The following ABCA1 variants were observed in gnomAD, a reference collection of about 807,000 sequenced individuals.
ABCA1 encodes ATP binding cassette subfamily A member 1.
Under a neutral mutation model 262.5 loss-of-function variants are expected in ABCA1, and 133 were observed. The observed-to-expected ratio is 0.51, with a 90% CI of 0.44 to 0.59. The LOEUF is 0.59. Ranked by LOEUF, ABCA1 falls within the 20% of genes least tolerant of loss-of-function variation. The pLI is 0.00. For missense variants in ABCA1, 2,452 were observed against 2,777.5 expected, an observed-to-expected ratio of 0.88 and a Z score of 2.63; for synonymous variants, 1,022 against 1,043.5, an observed-to-expected ratio of 0.98 and a Z score of 0.40.
Position 104,817,716 on chromosome 9 carries a change from T to C in ABCA1, c.3463-312A>G, listed in dbSNP as rs1831902829. On this transcript the variant is annotated intron_variant, in intron 23 of 49. Transcript: ENST00000374736. This position sits in a 1 kb window ranked among gnomAD's most constrained non-coding sequence, Gnocchi z 4.7. The stretch of plus-strand genomic sequence containing the variant: ...CAGGCAAGGCCTTTACCTGGCTACA[T>C]GTCTAGTTCAATGCTTCTCATGCTT... 6.6e-6 allele frequency among the ~76,000 whole-genome samples: 1 copy of C among 152,198 alleles called. No homozygotes were observed. Among genetic ancestry groups the C allele is most frequent in the Non-Finnish European group, 1.5e-5 (1 of 68,024 alleles).
At chr9:104,869,115 G>C (rs1354305681) in intron 5 of ABCA1, among the ~76,000 whole-genome samples, 7 of 152,128 alleles carry the variant, frequency 4.6e-5, no homozygotes, top group Non-Finnish European at 8.8e-5. Context: ...TGAGCCAGAC[G>C]GGGTTACTCT....
intron 5 of ABCA1, among the ~76,000 whole-genome samples, chr9:104,868,458 T>G (rs1034870506): frequency 1.3e-5 from 2 of 152,226 alleles, no homozygotes; most frequent in African/African-American, 2.4e-5. Context: ...AAAGCTGACT[T>G]GCTCCAAGTG....
At chr9:104,828,090 T>C (rs983596607) in intron 15 of ABCA1, among the ~76,000 whole-genome samples, 1 of 152,360 alleles carries the variant, frequency 6.6e-6, no homozygotes, top group South Asian at 2.1e-4. Flanking sequence ...AATATATTAA[T>C]GTATGGTTCA....
At chr9:104,903,401 C>T (rs1840828337) in intron 2 of ABCA1, among the ~76,000 whole-genome samples, 1 of 152,172 alleles carries the variant, frequency 6.6e-6, no homozygotes, top group African/African-American at 2.4e-5. Flanking sequence ...CAAACCAAAG[C>T]TACTATTTCT....
chr9:104,785,067 T>C (rs1828806355), intron 49 of ABCA1, among the ~76,000 whole-genome samples: 1 of 152,224 alleles, frequency 6.6e-6, no homozygotes, highest in African/African-American at 2.4e-5. Context: ...GAGTACTTCT[T>C]AAGTGTCAGG....
At chr9:104,917,371 C>T (rs1030668693) in intron 1 of ABCA1, among the ~76,000 whole-genome samples, 3 of 152,188 alleles carry the variant, frequency 2.0e-5, no homozygotes, top group Admixed American at 2.0e-4. Context: ...AGGAGATGAA[C>T]AAGCACAGTA....
chr9:104,800,874 C>T (rs886289912), intron 34 of ABCA1, among the ~76,000 whole-genome samples: 20 of 152,018 alleles, frequency 1.3e-4, no homozygotes, highest in Non-Finnish European at 2.5e-4. Context: ...GGGGTGAGGA[C>T]TCCTCAAAGT....
rs1369877094 is a variant in ABCA1, at chr9:104,802,043, A to G, written c.4698+11T>C. The G allele has an allele frequency of 1.2e-6, 2 of 1,612,400 alleles. No individual in the cohort carries two copies. Among genetic ancestry groups the G allele is most frequent in the Non-Finnish European group, 1.7e-6 (2 of 1,178,542 alleles). On this transcript the variant is annotated intron_variant, in intron 34 of 49. Transcript: ENST00000374736. ...CCATTTTTCTGATACATCTTACGAT[A>G]GATATTTTACCTTGGCCAGCTTTAG...
chr9:104,891,764 G>C (rs1381967254), intron 2 of ABCA1, among the ~76,000 whole-genome samples: 2 of 151,342 alleles, frequency 1.3e-5, no homozygotes, highest in African/African-American at 4.9e-5. Context: ...TCAGGAGTTT[G>C]AGACCAGCCT....
intron 11 of ABCA1, among the ~76,000 whole-genome samples, chr9:104,835,882 C>G (rs1833773320): frequency 6.6e-6 from 1 of 152,142 alleles, no homozygotes. Flanking sequence ...AATCAAAATT[C>G]ACTGAGTCAC....
intron 5 of ABCA1, among the ~76,000 whole-genome samples, chr9:104,880,994 CA>C (rs1361222869): frequency 6.6e-6 from 1 of 151,946 alleles, no homozygotes; most frequent in Non-Finnish European, 1.5e-5. Context: ...ACTAAAAATA[CA>C]AAAATTAGTT....
At chr9:104,893,936 G>A (rs1379904870) in intron 2 of ABCA1, among the ~76,000 whole-genome samples, 1 of 152,178 alleles carries the variant, frequency 6.6e-6, no homozygotes, top group African/African-American at 2.4e-5. Context: ...CAGCTACTGT[G>A]TACTCAAGAC....
At chr9:104,898,549 A>AAAATAAATAAAT (rs60925856) in intron 2 of ABCA1, among the ~76,000 whole-genome samples, 8 of 143,078 alleles carry the variant, frequency 5.6e-5, no homozygotes, top group Non-Finnish European at 6.0e-5. Flanking sequence ...TCCGTCTTGA[A>AAAATAAATAAAT]AAATAAATAA....
At chr9:104,917,917 C>T (rs1841938894) in intron 1 of ABCA1, among the ~76,000 whole-genome samples, 1 of 152,184 alleles carries the variant, frequency 6.6e-6, no homozygotes, top group Admixed American at 6.5e-5. Context: ...AATTTGTCTT[C>T]ATCCTAATTA....
chr9:104,860,447 T>C (rs1227125895), intron 6 of ABCA1, among the ~76,000 whole-genome samples: 1 of 152,204 alleles, frequency 6.6e-6, no homozygotes, highest in African/African-American at 2.4e-5. Context: ...AGCACATTTT[T>C]CTAATTTTAA....
intron 2 of ABCA1, among the ~76,000 whole-genome samples, chr9:104,898,525 C>T (rs982534581): frequency 8.6e-5 from 13 of 150,342 alleles, no homozygotes; most frequent in African/African-American, 2.7e-4. Context: ...CCAGCCTGGG[C>T]GACAGAACTA....
intron 5 of ABCA1, among the ~76,000 whole-genome samples, chr9:104,864,989 G>T (rs1347196104): frequency 6.6e-6 from 1 of 152,212 alleles, no homozygotes; most frequent in African/African-American, 2.4e-5. Context: ...CACGTGCATG[G>T]TGTGGTAGGT....
intron 45 of ABCA1, 100 bp downstream of exon 45, chr9:104,788,326 G>C: frequency 6.5e-7 from 1 of 1,535,852 alleles, no homozygotes; most frequent in Non-Finnish European, 9.0e-7. Flanking sequence ...CTGCATTCAT[G>C]AGGAAAAACA....
chr9:104,831,504 TTTG>T, intron 13 of ABCA1, 115 bp downstream of exon 13: 2 of 867,812 alleles, frequency 2.3e-6, no homozygotes, highest in Non-Finnish European at 3.4e-6. Context: ...GTTGAGTTTT[TTTG>T]TTGTTGTTGA....
Sources: gnomAD v4.1 joint callset for allele counts (sites outside exome capture counted in the v4.1 genomes callset) on GRCh38, gnomAD v4.1.1 for gene constraint, Gnocchi (gnomAD v3.1) non-coding constraint, MANE v1.5 for transcripts, NCBI Gene and HGNC (gene_info 2026-07-23, HGNC 2026-07-21) for gene names.